The following DMRTB1 variants were observed in gnomAD, a reference collection of about 807,000 sequenced individuals.
The protein encoded by DMRTB1 is DMRT like family B with proline rich C-terminal 1.
In DMRTB1, 9 loss-of-function variants were observed where a neutral mutation model predicts 25.2. The observed-to-expected ratio is 0.36, with a 90% CI of 0.22 to 0.62. The LOEUF (loss-of-function observed/expected upper bound fraction) is 0.62. Ranked by LOEUF, DMRTB1 falls within the 20% of genes least tolerant of loss-of-function variation. DMRTB1 has a pLI of 0.71. For missense variants in DMRTB1, 551 were observed against 499.3 expected (o/e 1.10, Z -0.99); for synonymous variants, 269 against 238.1 (o/e 1.13, Z -1.20).
intron 3 of DMRTB1, among the ~76,000 whole-genome samples, chr1:53,465,882 T>G (rs1471293255): frequency 6.6e-6 from 1 of 152,232 alleles, no homozygotes; most frequent in Admixed American, 6.5e-5. Context: ...CCCTACCTCA[T>G]GAGGATTCTG....
intron 1 of DMRTB1, 112 bp downstream of exon 1, chr1:53,460,142 AC>A: frequency 7.4e-7 from 1 of 1,343,208 alleles, no homozygotes; most frequent in Non-Finnish European, 9.6e-7. Context: ...TCCACGGGTA[AC>A]GGACCTTCCG....
chr1:53,459,714 C>CGCCCCT lies in DMRTB1; in HGVS notation c.262_263insCCCCTG (p.Ala86_Pro87dup). ...GGGCTGCGGCCGCCGCCCCCGCCCC[C>CGCCCCT]GTCCCCGTCCCGGCCGCGAGCCTCC... is the stretch of plus-strand genomic sequence containing the variant. On this transcript the variant is annotated inframe_insertion, in exon 1 of 4. Transcript: ENST00000371445. 1 of 1,399,374 alleles carries CGCCCCT rather than the reference C, an allele frequency of 7.1e-7. No homozygotes were observed. The highest frequency in any genetic ancestry group is 9.2e-7 in the Non-Finnish European group (1 of 1,081,144). 86.7% of individuals were successfully genotyped at this position (1,399,374 alleles called of 1,614,324 possible).
chr1:53,459,752 C>A lies in DMRTB1; in HGVS notation c.299C>A (p.Pro100Gln). 1.5e-6 allele frequency: 2 copies of A among 1,362,498 alleles called. No homozygotes were observed. The highest frequency in any genetic ancestry group is 1.9e-6 in the Non-Finnish European group (2 of 1,060,778). 84.4% of individuals were successfully genotyped at this position (1,362,498 alleles called of 1,614,324 possible). Residue 100 changes from proline (P) to glutamine (Q), a missense_variant, in exon 1 of 4, where the codon CCG becomes CAG. Transcript: ENST00000371445. ...VPAASLRPLS[P>Q]GTPSGDADPG... ...GCCGCGAGCCTCCGCCCGCTGTCCCCGGGGACTCCCTCCGGAGACGCCGAC... is the reference window on the plus strand; with the variant it reads ...GCCGCGAGCCTCCGCCCGCTGTCCCAGGGGACTCCCTCCGGAGACGCCGAC...
chr1:53,459,696 GGCC>G lies in DMRTB1; in HGVS notation c.250_252del (p.Ala84del), dbSNP rs1018256590. Reference sequence around the variant, plus strand: ...GGCCCAAGCAGGCCTCCGGGGCTGCGGCCGCCGCCCCCGCCCCCGTCCCCGTCC... The same window carrying G: ...GGCCCAAGCAGGCCTCCGGGGCTGCGGCCGCCCCCGCCCCCGTCCCCGTCC... On this transcript the variant is annotated inframe_deletion, in exon 1 of 4. Transcript: ENST00000371445. The G allele has an allele frequency of 3.7e-5, 53 of 1,450,522 alleles. No individual in the cohort carries two copies. The highest frequency in any genetic ancestry group is 4.9e-5 in the Non-Finnish European group (53 of 1,085,526). 89.9% of individuals were successfully genotyped at this position (1,450,522 alleles called of 1,614,324 possible).
rs1363628640 is a variant in DMRTB1, at chr1:53,459,679, C to G, written c.226C>G (p.Gln76Glu). The change falls in exon 1 of 4, where the codon CAG becomes GAG. Residue 76 changes from glutamine (Q) to glutamate (E), a missense_variant. Coordinates refer to ENST00000371445, the MANE Select transcript of DMRTB1 (RefSeq NM_033067.3). ...EAALCAQGPK[Q>E]ASGAAAAAPA... ...GGCCCTGTGTGCGCAGGGGCCCAAG[C>G]AGGCCTCCGGGGCTGCGGCCGCCGC... 4 of 1,540,056 alleles carry G rather than the reference C, an allele frequency of 2.6e-6. No individual in the cohort carries two copies. The highest frequency in any genetic ancestry group is 2.0e-5 in the Admixed American group (1 of 50,236).
chr1:53,460,062 C>T (rs979047464), intron 1 of DMRTB1, 32 bp downstream of exon 1: 2 of 1,525,560 alleles, frequency 1.3e-6, no homozygotes, highest in East Asian at 5.1e-5. Flanking sequence ...GCGGTCGACT[C>T]CCGGAGCTGG....
In DMRTB1 at chr1:53,467,320, T is replaced by G. The variant is rs1644055922; in HGVS notation, c.*658T>G. ...TGGGCACTGGTTTTAAAAAATTTAT[T>G]AGTTTGACTATTTGATGTTTTTATA... On this transcript the variant is annotated 3_prime_UTR_variant, in exon 4 of 4. Transcript: ENST00000371445. 2 of 152,724 alleles carry G rather than the reference T, an allele frequency of 1.3e-5. No homozygotes were observed. The highest frequency in any genetic ancestry group is 2.9e-5 in the Non-Finnish European group (2 of 68,154). 9.5% of individuals were successfully genotyped at this position (152,724 alleles called of 1,614,324 possible). A position where few individuals can be genotyped will look rare whatever the true frequency, so the allele number is the denominator to read the frequency against.
At chr1:53,464,906 A>G in intron 3 of DMRTB1, 59 bp downstream of exon 3, 4 of 1,605,140 alleles carry the variant, frequency 2.5e-6, no homozygotes, top group Middle Eastern at 1.7e-4. Flanking sequence ...CTGGAGGAAG[A>G]GGTACCTAAT....
chr1:53,459,700 G>GCCTCCC lies in DMRTB1; in HGVS notation c.249_250insTCCCCC (p.Ala83_Ala84insSerPro). On this transcript the variant is annotated inframe_insertion, in exon 1 of 4. Coordinates refer to ENST00000371445, the MANE Select transcript of DMRTB1 (RefSeq NM_033067.3). Reference sequence around the variant, plus strand: ...CAAGCAGGCCTCCGGGGCTGCGGCCGCCGCCCCCGCCCCCGTCCCCGTCCC... The same window carrying GCCTCCC: ...CAAGCAGGCCTCCGGGGCTGCGGCCGCCTCCCCCGCCCCCGCCCCCGTCCCCGTCCC... 6.8e-7 allele frequency: 1 copy of GCCTCCC among 1,468,622 alleles called. No individual in the cohort carries two copies. The highest frequency in any genetic ancestry group is 1.3e-5 in the South Asian group (1 of 74,232). The allele number at this position is 1,468,622 out of a possible 1,614,324, so 91.0% of individuals were successfully genotyped here.
intron 1 of DMRTB1, among the ~76,000 whole-genome samples, chr1:53,461,031 G>C (rs574129997): frequency 6.6e-6 from 1 of 152,324 alleles, no homozygotes; most frequent in African/African-American, 2.4e-5. Context: ...CCATGAGCCA[G>C]GCATTCGTGA....
chr1:53,461,399 C>G (rs557296258), intron 1 of DMRTB1, 74 bp from the exon 2 acceptor site: 15 of 1,459,534 alleles, frequency 1.0e-5, no homozygotes, highest in Middle Eastern at 1.8e-4. Flanking sequence ...CTGATGACCC[C>G]GCCGCCCTGG....
Position 53,459,754 on chromosome 1 carries a change from G to GGGACTC in DMRTB1, c.302_307dup (p.Thr102_Pro103insArgThr). On this transcript the variant is annotated inframe_insertion, in exon 1 of 4. Transcript: ENST00000371445. ...CGCGAGCCTCCGCCCGCTGTCCCCG[G>GGGACTC]GGACTCCCTCCGGAGACGCCGACCC... is the stretch of plus-strand genomic sequence containing the variant. The GGGACTC allele has an allele frequency of 7.3e-7, 1 of 1,364,190 alleles. No homozygotes were observed. The allele number at this position is 1,364,190 out of a possible 1,614,324, so 84.5% of individuals were successfully genotyped here.
At chr1:53,465,581 A>T (rs2100640031) in intron 3 of DMRTB1, among the ~76,000 whole-genome samples, 1 of 152,356 alleles carries the variant, frequency 6.6e-6, no homozygotes, top group South Asian at 2.1e-4. Flanking sequence ...GACAAACTCA[A>T]CTAGGCCTTT....
chr1:53,463,234 C>T (rs1205579165), intron 2 of DMRTB1, among the ~76,000 whole-genome samples: 2 of 152,186 alleles, frequency 1.3e-5, no homozygotes, highest in Admixed American at 1.3e-4. Context: ...TGTCCTGCTG[C>T]CCCCTGCCAA....
Position 53,460,045 on chromosome 1 carries a change from T to G in DMRTB1, c.577+15T>G. 1 of 1,553,138 alleles carries G rather than the reference T, an allele frequency of 6.4e-7. No individual in the cohort carries two copies. Among genetic ancestry groups the G allele is most frequent in the South Asian group, 1.2e-5 (1 of 85,876 alleles). ...CACCGACTTTGGTAAGTCGTGGCCT[T>G]GGTCCCGCGGTCGACTCCCGGAGCT... On this transcript the variant is annotated intron_variant, in intron 1 of 3. Coordinates refer to ENST00000371445, the MANE Select transcript of DMRTB1 (RefSeq NM_033067.3).
At position 53,459,670 on chromosome 1, in the gene DMRTB1, G is replaced by A. The variant is rs993839065; in HGVS notation, c.217G>A (p.Gly73Arg). The change falls in exon 1 of 4, where the codon GGG becomes AGG. Residue 73 changes from glycine to arginine, a missense_variant. Physicochemically the swap from Gly to Arg is moderately radical, Grantham distance 125. Coordinates refer to ENST00000371445, the MANE Select transcript of DMRTB1 (RefSeq NM_033067.3). ...GCAGGAGGCGGCCCTGTGTGCGCAG[G>A]GGCCCAAGCAGGCCTCCGGGGCTGC... ...EEQEAALCAQ[G>R]PKQASGAAAA... The A allele has an allele frequency of 5.8e-6, 9 of 1,543,952 alleles. No individual in the cohort carries two copies. The South Asian group carries it at 8.4e-5, about 14-fold the overall frequency.
chr1:53,463,247 C>T (rs1313009413), intron 2 of DMRTB1, among the ~76,000 whole-genome samples: 1 of 152,240 alleles, frequency 6.6e-6, no homozygotes, highest in African/African-American at 2.4e-5. Flanking sequence ...CCTGCCAAGG[C>T]TTGGAGGTGC....
Position 53,459,933 on chromosome 1 carries a change from C to T in DMRTB1, c.480C>T (p.Pro160=). ...TGGCGATGCCCAGCCTTGCGGGACC[C>T]CCTTTTGGGGCGGAGGCCGCAGGCA... ...AAVAMPSLAG[P]PFGAEAAGSG... is the part of the protein sequence containing the mutation. The change falls in exon 1 of 4, where the codon CCC becomes CCT. Residue 160 remains proline, a synonymous_variant. Coordinates refer to ENST00000371445, the MANE Select transcript of DMRTB1 (RefSeq NM_033067.3). 2 of 1,564,574 alleles carry T rather than the reference C, an allele frequency of 1.3e-6. No homozygotes were observed. Among genetic ancestry groups the T allele is most frequent in the East Asian group, 2.4e-5 (1 of 41,752 alleles).
At chr1:53,464,507 TG>T in intron 2 of DMRTB1, 129 bp from the exon 3 acceptor site, 1 of 1,418,810 alleles carries the variant, frequency 7.0e-7, no homozygotes, top group Non-Finnish European at 9.9e-7. Flanking sequence ...AAATGCCCTG[TG>T]CCTGTGTGTT....
Sources: allele counts gnomAD v4.1 joint callset (sites outside exome capture counted in the v4.1 genomes callset), GRCh38; gene constraint gnomAD v4.1.1; transcripts MANE v1.5; gene names NCBI Gene and HGNC (gene_info 2026-07-23, HGNC 2026-07-21).